The following TRABD2A variants were observed in gnomAD, a reference collection of about 807,000 sequenced individuals.
TRABD2A encodes the protein TraB domain containing 2A, also known as metalloprotease TIKI1.
TRABD2A carries 43 observed loss-of-function variants against 45.6 expected under a neutral mutation model. The observed-to-expected ratio is 0.94, with a 90% confidence interval of 0.74 to 1.22. The LOEUF (loss-of-function observed/expected upper bound fraction) is 1.22, where lower values mean the gene tolerates loss of function less well. Among genes scored for constraint, TRABD2A ranks in the 50% most tolerant of loss-of-function variants. TRABD2A has a pLI of 0.00. For synonymous variants in TRABD2A, 269 were observed against 265.0 expected (o/e 1.02, Z -0.15); for missense variants, 642 against 652.4 (o/e 0.98, Z 0.17).
chr2:84,832,928 A>G (rs1681390248), intron 4 of TRABD2A: 1 of 152,232 alleles, frequency 6.6e-6, no homozygotes, highest in Non-Finnish European at 1.5e-5. Context: ...TTCTAGAAAA[A>G]GTAAAGGCAA....
intron 4 of TRABD2A, chr2:84,833,626 C>T (rs925328585): frequency 9.2e-5 from 14 of 152,030 alleles, no homozygotes; most frequent in African/African-American, 2.9e-4. Flanking sequence ...TAAAAGCACA[C>T]GGTAATGTGT....
intron 4 of TRABD2A, 56 bp downstream of exon 4, chr2:84,839,093 C>T: frequency 6.3e-7 from 1 of 1,599,724 alleles, no homozygotes; most frequent in South Asian, 1.1e-5. Flanking sequence ...TCAACATTCC[C>T]TTCTTGGGAG....
chr2:84,839,446 A>C, intron 3 of TRABD2A, 123 bp from the exon 4 acceptor site: 2 of 909,238 alleles, frequency 2.2e-6, no homozygotes, highest in Non-Finnish European at 3.3e-6. Context: ...GAGTGACACC[A>C]TTCTTGGAGT....
At chr2:84,843,302 T>C (rs1323749103) in intron 2 of TRABD2A, among the ~76,000 whole-genome samples, 1 of 152,136 alleles carries the variant, frequency 6.6e-6, no homozygotes, top group Non-Finnish European at 1.5e-5. Context: ...AGACTGACTA[T>C]GAGGTCTTTA....
Position 84,822,040 on chromosome 2 carries a change from C to T in TRABD2A, c.1395G>A (p.Arg465=). 2 of 1,591,154 alleles carry T rather than the reference C, an allele frequency of 1.3e-6. No individual in the cohort carries two copies. The highest frequency in any genetic ancestry group is 1.7e-6 in the Non-Finnish European group (2 of 1,169,130). The change falls in exon 7 of 7, where the codon CGG becomes CGA. Residue 465 remains arginine (R), a synonymous_variant. Transcript: ENST00000409520. Reference sequence around the variant, plus strand: ...GGTGGGAATGCCCACGGCGAGGGAGCCGCAGTTCAGTGGAGATGTGCCTGT... The same window carrying T: ...GGTGGGAATGCCCACGGCGAGGGAGTCGCAGTTCAGTGGAGATGTGCCTGT... ...VLDRHISTEL[R]LPRRGHSHHS...
Position 84,841,752 on chromosome 2 carries a change from G to C in TRABD2A, c.816+109C>G, listed in dbSNP as rs911909198. 5.0e-6 allele frequency: 6 copies of C among 1,189,436 alleles called. No individual in the cohort carries two copies. The South Asian group carries it at 1.6e-4, about 31-fold the overall frequency. 73.7% of individuals were successfully genotyped at this position (1,189,436 alleles called of 1,614,324 possible). ...TAAATCTGCCCACTTTATTTCTAGA[G>C]CCCTCATGACCTCAATCCTTTGTAC... On this transcript the variant is annotated intron_variant, in intron 3 of 6. Coordinates refer to ENST00000409520, the MANE Select transcript of TRABD2A (RefSeq NM_001277053.2).
chr2:84,879,798 T>A (rs1034926509), intron 1 of TRABD2A, among the ~76,000 whole-genome samples: 2 of 152,118 alleles, frequency 1.3e-5, no homozygotes, highest in Non-Finnish European at 2.9e-5. Context: ...CGCGACGCCT[T>A]ACAGAGGCGA....
chr2:84,827,957 A>G (rs931176673), intron 5 of TRABD2A, among the ~76,000 whole-genome samples: 3 of 152,226 alleles, frequency 2.0e-5, no homozygotes, highest in South Asian at 2.1e-4. Flanking sequence ...GACCTGTGTC[A>G]GACTTCTGAT....
At chr2:84,872,351 A>G (rs1290580904) in intron 1 of TRABD2A, among the ~76,000 whole-genome samples, 1 of 152,064 alleles carries the variant, frequency 6.6e-6, no homozygotes, top group African/African-American at 2.4e-5. Context: ...TCTACAAAAA[A>G]TACCAAAATT....
intron 3 of TRABD2A, 25 bp downstream of exon 3, chr2:84,841,836 C>A (rs1681720278): frequency 1.3e-6 from 2 of 1,493,574 alleles, no homozygotes; most frequent in Non-Finnish European, 1.8e-6. Context: ...GTGTGCTGAG[C>A]TTGGCAGGGG....
intron 2 of TRABD2A, among the ~76,000 whole-genome samples, chr2:84,846,764 A>G (rs888384137): frequency 1.3e-5 from 2 of 152,258 alleles, no homozygotes; most frequent in African/African-American, 4.8e-5. Context: ...TCACTGAAAC[A>G]GACTCCTTGG....
intron 5 of TRABD2A, 63 bp downstream of exon 5, chr2:84,831,992 G>T: frequency 1.9e-6 from 3 of 1,569,776 alleles, no homozygotes; most frequent in Non-Finnish European, 2.6e-6. Context: ...GCCCACCCTG[G>T]TGCCCAGGCA....
rs1007365286 is a variant in TRABD2A, at chr2:84,830,274, C to T, written c.1082+1781G>A. ...GCAACAGAGCTGACTCAGGCAGGGG[C>T]GGGATCCTCCCGGTCAAGGGGAGGA... On this transcript the variant is annotated intron_variant, in intron 5 of 6. Transcript: ENST00000409520. The surrounding 1 kb of genome is among the most constrained non-coding windows in gnomAD (Gnocchi z 4.9). Among the ~76,000 whole-genome samples, 20 of 152,102 alleles carry T rather than the reference C, an allele frequency of 1.3e-4. No individual in the cohort carries two copies. The highest frequency in any genetic ancestry group is 2.6e-4 in the Admixed American group (4 of 15,296).
At chr2:84,848,504 T>C (rs1681981636) in intron 2 of TRABD2A, among the ~76,000 whole-genome samples, 1 of 141,498 alleles carries the variant, frequency 7.1e-6, no homozygotes, top group Admixed American at 7.1e-5. Context: ...GAACAAATAC[T>C]GAAAATATAT....
intron 2 of TRABD2A, among the ~76,000 whole-genome samples, chr2:84,861,861 G>A (rs947035654): frequency 3.3e-5 from 5 of 152,304 alleles, no homozygotes; most frequent in Admixed American, 3.3e-4. Context: ...AGGCTAATGA[G>A]GTCTCTCCTG....
chr2:84,831,311 G>C (rs1681329710), intron 5 of TRABD2A, among the ~76,000 whole-genome samples: 1 of 152,156 alleles, frequency 6.6e-6, no homozygotes. Context: ...TCAGCCTCCA[G>C]AACTGTGAGA....
At chr2:84,847,259 C>T (rs1681928202) in intron 2 of TRABD2A, among the ~76,000 whole-genome samples, 1 of 152,230 alleles carries the variant, frequency 6.6e-6, no homozygotes, top group African/African-American at 2.4e-5. Context: ...ACTATGGCAT[C>T]TCTGAAGGAC....
chr2:84,849,052 A>T (rs1455239610), intron 2 of TRABD2A, among the ~76,000 whole-genome samples: 1 of 152,060 alleles, frequency 6.6e-6, no homozygotes, highest in East Asian at 1.9e-4. Context: ...GACTACAAAA[A>T]GGGACAAAAT....
chr2:84,881,050 G>A lies in TRABD2A; in HGVS notation c.-11C>T. ...GCTCCAGGGACTCATCCTCCTCAAG[G>A]CGGCTCCGAGGCCCGGAACGCGGAG... On this transcript the variant is annotated 5_prime_UTR_variant, in exon 1 of 7. Transcript: ENST00000409520. 1 of 1,588,280 alleles carries A rather than the reference G, an allele frequency of 6.3e-7. No homozygotes were observed. The highest frequency in any genetic ancestry group is 8.6e-7 in the Non-Finnish European group (1 of 1,168,680).
Sources: gnomAD v4.1 joint callset for allele counts (sites outside exome capture counted in the v4.1 genomes callset) on GRCh38, gnomAD v4.1.1 for gene constraint, Gnocchi (gnomAD v3.1) non-coding constraint, MANE v1.5 for transcripts, NCBI Gene and HGNC (gene_info 2026-07-23, HGNC 2026-07-21) for gene names.